Variants in ALK observed in about 807,000 individuals in gnomAD.
ALK encodes ALK receptor tyrosine kinase.
In ALK, 74 loss-of-function variants were observed where a neutral mutation model predicts 163.1. The ratio of observed to expected loss-of-function variants is 0.45; its 90% CI spans 0.38 to 0.55. ALK has a LOEUF of 0.55. ALK is among the 20% of genes least tolerant of loss of function. ALK has a pLI of 0.00. For missense variants in ALK, 2,063 were observed against 2,105.3 expected (o/e 0.98, Z 0.39); for synonymous variants, 960 against 843.2 (o/e 1.14, Z -2.40).
At chr2:29,720,523 G>A (rs937560851) in intron 1 of ALK, among the ~76,000 whole-genome samples, 4 of 152,152 alleles carry the variant, frequency 2.6e-5, no homozygotes, top group Non-Finnish European at 5.9e-5. Context: ...GGGAGCTAAT[G>A]TGGGGGTCAG....
intron 1 of ALK, among the ~76,000 whole-genome samples, chr2:29,866,980 C>A (rs1196353879): frequency 6.6e-6 from 1 of 152,160 alleles, no homozygotes; most frequent in African/African-American, 2.4e-5. Context: ...AACCTTTTGG[C>A]TGAAATACAT....
chr2:29,719,296 CTGAAT>C (rs1477680812), intron 1 of ALK, among the ~76,000 whole-genome samples: 1 of 152,220 alleles, frequency 6.6e-6, no homozygotes, highest in East Asian at 1.9e-4. Context: ...GAGATTAGAA[CTGAAT>C]TGATTTGTGC....
intron 3 of ALK, among the ~76,000 whole-genome samples, chr2:29,649,217 T>TGAGAGA (rs141534978): frequency 0.23 from 34,366 of 147,320 alleles, 3,808 homozygotes; most frequent in Admixed American, 0.27. Flanking sequence ...TGTGTGTATG[T>TGAGAGA]GAGAGAGAGA....
intron 9 of ALK, among the ~76,000 whole-genome samples, chr2:29,276,500 C>T (rs1665550359): frequency 6.6e-6 from 1 of 152,132 alleles, no homozygotes; most frequent in Non-Finnish European, 1.5e-5. Flanking sequence ...CCTTTCCTAC[C>T]CTCCAGAACG....
At chr2:29,620,032 C>A (rs1005826440) in intron 3 of ALK, among the ~76,000 whole-genome samples, 1 of 152,222 alleles carries the variant, frequency 6.6e-6, no homozygotes, top group Non-Finnish European at 1.5e-5. Flanking sequence ...CTCCAGTAGA[C>A]GTTCCAGCCT....
chr2:29,500,245 G>A (rs72794463), intron 4 of ALK, among the ~76,000 whole-genome samples: 1,998 of 152,262 alleles, frequency 0.013, 19 homozygotes, highest in Non-Finnish European at 0.02. Context: ...GAAAGGTTTC[G>A]CACCATCCCC....
At chr2:29,311,298 C>T (rs1273437484) in intron 8 of ALK, among the ~76,000 whole-genome samples, 1 of 152,050 alleles carries the variant, frequency 6.6e-6, no homozygotes, top group African/African-American at 2.4e-5. Flanking sequence ...GGAGTGAGAT[C>T]CTAAAGGTGG....
intron 1 of ALK, among the ~76,000 whole-genome samples, chr2:29,834,181 C>A (rs1475480726): frequency 6.6e-6 from 1 of 152,174 alleles, no homozygotes; most frequent in African/African-American, 2.4e-5. Flanking sequence ...AAGGTCAAAA[C>A]CACTAACTTC....
At chr2:29,245,201 T>C (rs771062681) in intron 12 of ALK, among the ~76,000 whole-genome samples, 2 of 148,946 alleles carry the variant, frequency 1.3e-5, no homozygotes, top group Non-Finnish European at 3.0e-5. Context: ...AGGGGCTTTA[T>C]GGCTCAGTGT....
At position 29,391,037 on chromosome 2, in the gene ALK, C is replaced by T. The variant is rs186047660; in HGVS notation, c.1155-7178G>A. Among the ~76,000 whole-genome samples the T allele has an allele frequency of 5.9e-5, 9 of 152,242 alleles. No individual in the cohort carries two copies. The East Asian group carries it at 1.7e-3, about 29-fold the overall frequency. Reference sequence around the variant, plus strand: ...AAGAGCTGCTCTGAGGCTAAGGGGGCTCCAGGCTCTGTAGGGGGGGCCAAG... The same window carrying T: ...AAGAGCTGCTCTGAGGCTAAGGGGGTTCCAGGCTCTGTAGGGGGGGCCAAG... On this transcript the variant is annotated intron_variant, in intron 4 of 28. Transcript: ENST00000389048.
intron 2 of ALK, among the ~76,000 whole-genome samples, chr2:29,707,528 A>C (rs567946123): frequency 6.6e-6 from 1 of 152,304 alleles, no homozygotes; most frequent in South Asian, 2.1e-4. Context: ...AAACAATTTG[A>C]ACAGATAGTA....
At chr2:29,677,415 G>T (rs951991412) in intron 3 of ALK, among the ~76,000 whole-genome samples, 13 of 151,700 alleles carry the variant, frequency 8.6e-5, no homozygotes, top group Non-Finnish European at 1.8e-4. Context: ...GTTAGGTATG[G>T]GTATTTCACA....
intron 4 of ALK, among the ~76,000 whole-genome samples, chr2:29,394,700 AT>A (rs755317886): frequency 7.2e-5 from 11 of 152,146 alleles, no homozygotes; most frequent in Admixed American, 1.3e-4. Flanking sequence ...CCAGGTGATC[AT>A]TTTGCCTTTC....
At chr2:29,356,197 C>T (rs772630760) in intron 5 of ALK, among the ~76,000 whole-genome samples, 3 of 152,094 alleles carry the variant, frequency 2.0e-5, no homozygotes, top group Non-Finnish European at 4.4e-5. Flanking sequence ...GCTGACGTTT[C>T]CTGAGGACTA....
At chr2:29,625,855 C>T (rs1328346465) in intron 3 of ALK, among the ~76,000 whole-genome samples, 1 of 152,264 alleles carries the variant, frequency 6.6e-6, no homozygotes, top group East Asian at 1.9e-4. Flanking sequence ...CTGAGCTTTG[C>T]ATGTCATCAC....
chr2:29,280,219 T>A lies in ALK; in HGVS notation c.1818-4723A>T, dbSNP rs151281582. Among the ~76,000 whole-genome samples the A allele has an allele frequency of 5.1e-3, 780 of 151,836 alleles. 7 individuals are homozygous for A. The highest frequency in any genetic ancestry group is 0.018 in the African/African-American group (735 of 41,374). On this transcript the variant is annotated intron_variant, in intron 9 of 28. Transcript: ENST00000389048. ...GGGACTGAGGGGAGGTTATGGTATATACAGATGGACTACTCTGGGACTGAG... is the reference window on the plus strand; with the variant it reads ...GGGACTGAGGGGAGGTTATGGTATAAACAGATGGACTACTCTGGGACTGAG...
intron 21 of ALK, 21 bp downstream of exon 21, chr2:29,222,496 C>T (rs1222073704): frequency 3.7e-6 from 6 of 1,614,028 alleles, no homozygotes; most frequent in Non-Finnish European, 3.4e-6. Context: ...AGGGCAGGCT[C>T]AAGAGTGAGC....
chr2:29,364,931 T>A (rs1449234685), intron 5 of ALK, among the ~76,000 whole-genome samples: 1 of 152,224 alleles, frequency 6.6e-6, no homozygotes, highest in Non-Finnish European at 1.5e-5. Context: ...GAGAATTAGC[T>A]TGTTTTGAAC....
At chr2:29,441,465 G>T (rs954891524) in intron 4 of ALK, among the ~76,000 whole-genome samples, 6 of 152,230 alleles carry the variant, frequency 3.9e-5, no homozygotes, top group African/African-American at 1.4e-4. Flanking sequence ...CTGGCAGGTT[G>T]TGGGTGCCTG....
Sources: gnomAD v4.1 joint callset for allele counts (sites outside exome capture counted in the v4.1 genomes callset) on GRCh38, gnomAD v4.1.1 for gene constraint, MANE v1.5 for transcripts, NCBI Gene and HGNC (gene_info 2026-07-23, HGNC 2026-07-21) for gene names.